TTC7B: variants seen among roughly 807,000 people sequenced by gnomAD.
TTC7B encodes tetratricopeptide repeat domain 7B, also known as tetratricopeptide repeat protein 7B.
A neutral mutation model predicts 106.8 loss-of-function variants in TTC7B; 28 were observed. That is an observed-to-expected ratio of 0.26 (90% CI 0.19 to 0.36). The LOEUF is 0.36. Ranked by LOEUF, TTC7B falls within the 10% of genes least tolerant of loss-of-function variation. The probability of loss-of-function intolerance (pLI) is 1.00; values close to 1 mark genes in which losing one functional copy is unlikely to be tolerated. For synonymous variants in TTC7B, 405 were observed against 430.6 expected (o/e 0.94, Z 0.74); for missense variants, 862 against 1,076.4 (o/e 0.80, Z 2.79).
At chr14:90,554,209 T>A (rs1890206216) in intron 19 of TTC7B, among the ~76,000 whole-genome samples, 1 of 152,194 alleles carries the variant, frequency 6.6e-6, no homozygotes, top group Non-Finnish European at 1.5e-5. Context: ...CCGCAGCCCA[T>A]CTGCCAGCAG....
At chr14:90,790,337 A>G (rs1406681259) in intron 1 of TTC7B, among the ~76,000 whole-genome samples, 3 of 152,176 alleles carry the variant, frequency 2.0e-5, no homozygotes, top group African/African-American at 7.2e-5. Context: ...GGAAGTATAT[A>G]TACCAGGATA....
At position 90,537,377 on chromosome 14, in the gene TTC7B, G is replaced by GGA. The variant is rs1555372750; in HGVS notation, c.*3990_*3991insTC. ...ATTTTTTTTTTTTTGTAGAGATGGGGGGGGGGTCTCACCATGTTGCCCAGG... is the reference window on the plus strand; with the variant it reads ...ATTTTTTTTTTTTTGTAGAGATGGGGGAGGGGGGTCTCACCATGTTGCCCAGG... On this transcript the variant is annotated 3_prime_UTR_variant, in exon 20 of 20. Coordinates refer to ENST00000328459, the MANE Select transcript of TTC7B (RefSeq NM_001010854.2). 7 of 144,400 alleles carry GGA rather than the reference G, an allele frequency of 4.8e-5. No homozygotes were observed. The East Asian group carries it at 8.1e-4, about 17-fold the overall frequency. The allele number at this position is 144,400 out of a possible 1,614,324, so 8.9% of individuals were successfully genotyped here. A position where few individuals can be genotyped will look rare whatever the true frequency, so the allele number is the denominator to read the frequency against.
chr14:90,651,149 A>G (rs533064134), intron 13 of TTC7B, among the ~76,000 whole-genome samples: 12 of 152,388 alleles, frequency 7.9e-5, no homozygotes, highest in South Asian at 6.2e-4. Flanking sequence ...TTTAAGAAGT[A>G]ATACAAATCA....
In TTC7B at chr14:90,744,935, TC is replaced by T; in HGVS notation, c.446-14del. ...TCCAAACAAAGTCCTTAAAAAAATA[TC>T]AGACACAAAAACTGAGTGAATTTTT... On this transcript the variant is annotated splice_polypyrimidine_tract_variant and intron_variant, in intron 3 of 19. Transcript: ENST00000328459. The T allele has an allele frequency of 6.2e-7, 1 of 1,611,816 alleles. No homozygotes were observed. Among genetic ancestry groups the T allele is most frequent in the Non-Finnish European group, 8.5e-7 (1 of 1,179,536 alleles).
intron 5 of TTC7B, among the ~76,000 whole-genome samples, chr14:90,706,338 T>G (rs937991878): frequency 6.6e-6 from 1 of 151,986 alleles, no homozygotes; most frequent in Non-Finnish European, 1.5e-5. Context: ...AATTTTTTTG[T>G]ATTTTTAGTA....
At chr14:90,572,485 G>A (rs765806809) in intron 19 of TTC7B, among the ~76,000 whole-genome samples, 4 of 152,268 alleles carry the variant, frequency 2.6e-5, no homozygotes, top group East Asian at 1.9e-4. Context: ...CAAACAGCTC[G>A]GCCAATCTCT....
Position 90,805,100 on chromosome 14 carries a change from C to T in TTC7B, c.121+11075G>A, listed in dbSNP as rs1595051801. 6.6e-6 allele frequency among the ~76,000 whole-genome samples: 1 copy of T among 152,182 alleles called. No homozygotes were observed. The highest frequency in any genetic ancestry group is 2.4e-5 in the African/African-American group (1 of 41,452). On this transcript the variant is annotated intron_variant, in intron 1 of 19. Transcript: ENST00000328459. The surrounding 1 kb of genome is among the most constrained non-coding windows in gnomAD (Gnocchi z 4.0). ...AACAGTCTTCGGCGTGGGACCAGGT[C>T]TCGGGTGGACGCCCACAGCCACTCC... is the stretch of plus-strand genomic sequence containing the variant.
At chr14:90,799,244 C>T (rs941192003) in intron 1 of TTC7B, among the ~76,000 whole-genome samples, 3 of 152,204 alleles carry the variant, frequency 2.0e-5, no homozygotes, top group African/African-American at 4.8e-5. Context: ...CTTTAAGACA[C>T]ATTTCAGGTC....
chr14:90,576,636 T>G (rs1595172561), intron 19 of TTC7B, among the ~76,000 whole-genome samples: 1 of 152,178 alleles, frequency 6.6e-6, no homozygotes, highest in South Asian at 2.1e-4. Flanking sequence ...ACAAGGTGCC[T>G]AAAGGTTAAG....
intron 3 of TTC7B, among the ~76,000 whole-genome samples, chr14:90,769,323 A>G (rs774054524): frequency 6.6e-6 from 1 of 152,250 alleles, no homozygotes; most frequent in Non-Finnish European, 1.5e-5. Context: ...GTCCCTTATC[A>G]GTACCTACTT....
At chr14:90,769,484 G>A (rs868299032) in intron 3 of TTC7B, among the ~76,000 whole-genome samples, 1 of 152,214 alleles carries the variant, frequency 6.6e-6, no homozygotes, top group African/African-American at 2.4e-5. Flanking sequence ...AAGATATTCC[G>A]ACTGGACAAA....
intron 3 of TTC7B, among the ~76,000 whole-genome samples, chr14:90,777,259 A>T (rs539562100): frequency 1.3e-4 from 19 of 151,984 alleles, no homozygotes; most frequent in South Asian, 1.2e-3. Context: ...ATTTTTTTTT[A>T]AAAGAGTGAA....
At chr14:90,678,177 T>C (rs1294781966) in intron 8 of TTC7B, among the ~76,000 whole-genome samples, 2 of 152,218 alleles carry the variant, frequency 1.3e-5, no homozygotes, top group Non-Finnish European at 2.9e-5. Flanking sequence ...AGGTACAATA[T>C]AGAACCTCAA....
At chr14:90,606,365 C>G (rs1892639975) in intron 17 of TTC7B, among the ~76,000 whole-genome samples, 1 of 152,072 alleles carries the variant, frequency 6.6e-6, no homozygotes, top group South Asian at 2.1e-4. Context: ...GGGGAGACCA[C>G]CGCCGCTGCA....
chr14:90,560,418 C>T lies in TTC7B; in HGVS notation c.2310+17688G>A, dbSNP rs1281848482. Among the ~76,000 whole-genome samples the T allele has an allele frequency of 5.3e-5, 8 of 152,354 alleles. No individual in the cohort carries two copies. The South Asian group carries it at 1.7e-3, about 32-fold the overall frequency. ...TAGAGCAGAGACAACACAGAAGACA[C>T]AGGTGACACTGGATGTCACAAAACA... On this transcript the variant is annotated intron_variant, in intron 19 of 19. Transcript: ENST00000328459.
intron 15 of TTC7B, among the ~76,000 whole-genome samples, chr14:90,629,627 G>T (rs1242693231): frequency 1.3e-5 from 2 of 152,244 alleles, no homozygotes; most frequent in Non-Finnish European, 2.9e-5. Flanking sequence ...CCTGCAAGAA[G>T]TCTCAAGAGG....
intron 8 of TTC7B, 60 bp downstream of exon 8, chr14:90,680,412 T>C (rs1161858835): frequency 3.8e-6 from 5 of 1,300,280 alleles, no homozygotes; most frequent in South Asian, 1.2e-5. Context: ...AGAATGGCTA[T>C]ATCAAAAAAG....
At chr14:90,676,377 G>A in intron 9 of TTC7B, 146 bp downstream of exon 9, 1 of 935,344 alleles carries the variant, frequency 1.1e-6, no homozygotes, top group Non-Finnish European at 1.6e-6. Context: ...CTACAGGGGA[G>A]AAAACCAAAG....
intron 5 of TTC7B, among the ~76,000 whole-genome samples, chr14:90,725,058 A>G (rs1323968356): frequency 6.6e-6 from 1 of 152,198 alleles, no homozygotes; most frequent in African/African-American, 2.4e-5. Context: ...AGAGGGTTGC[A>G]TACAAAAAAG....
Sources: gnomAD v4.1 joint callset for allele counts (sites outside exome capture counted in the v4.1 genomes callset) on GRCh38, gnomAD v4.1.1 for gene constraint, Gnocchi (gnomAD v3.1) non-coding constraint, MANE v1.5 for transcripts, NCBI Gene and HGNC (gene_info 2026-07-23, HGNC 2026-07-21) for gene names.